NCOA7: variants seen among roughly 807,000 people sequenced by gnomAD.
NCOA7 encodes 140 kDa estrogen receptor-associated protein.
Under a neutral mutation model 104.3 loss-of-function variants are expected in NCOA7, and 45 were observed. The observed-to-expected ratio is 0.43, with a 90% CI of 0.34 to 0.55. The LOEUF (loss-of-function observed/expected upper bound fraction) is 0.55, where lower values mean the gene tolerates loss of function less well. Ranked by LOEUF, NCOA7 falls within the 20% of genes least tolerant of loss-of-function variation. The pLI is 0.02. For missense variants in NCOA7, 1,041 were observed against 1,119.7 expected, an observed-to-expected ratio of 0.93 and a Z score of 1.00; for synonymous variants, 398 against 402.3, an observed-to-expected ratio of 0.99 and a Z score of 0.13.
intron 3 of NCOA7, among the ~76,000 whole-genome samples, chr6:125,864,682 C>T (rs1782303604): frequency 7.3e-6 from 1 of 136,458 alleles, no homozygotes; most frequent in South Asian, 2.2e-4. Context: ...TATCTACGAG[C>T]CAGGATGAGG....
intron 2 of NCOA7, among the ~76,000 whole-genome samples, chr6:125,838,957 C>T (rs1158248083): frequency 2.0e-5 from 3 of 152,114 alleles, no homozygotes; most frequent in Admixed American, 2.0e-4. Context: ...GGGGTGGTGC[C>T]AACAAGCTTC....
chr6:125,890,394 A>G (rs1017309875), intron 9 of NCOA7, among the ~76,000 whole-genome samples: 2 of 152,102 alleles, frequency 1.3e-5, no homozygotes, highest in Non-Finnish European at 2.9e-5. Context: ...TTGCTATTCT[A>G]TTGGTTTTTA....
At chr6:125,907,348 A>C (rs1786107534) in intron 10 of NCOA7, among the ~76,000 whole-genome samples, 1 of 151,660 alleles carries the variant, frequency 6.6e-6, no homozygotes, top group Non-Finnish European at 1.5e-5. Context: ...CTGCAGAGAC[A>C]GAGGGTACCA....
At chr6:125,853,069 T>C (rs2475851) in intron 2 of NCOA7, among the ~76,000 whole-genome samples, 81,850 of 152,030 alleles carry the variant, frequency 0.54, 22,338 homozygotes, top group East Asian at 0.73. Flanking sequence ...GCATGGGGTG[T>C]ATTTTTATTT....
chr6:125,834,486 C>T (rs1297073271), intron 2 of NCOA7, among the ~76,000 whole-genome samples: 3 of 152,114 alleles, frequency 2.0e-5, no homozygotes, highest in African/African-American at 4.8e-5. Context: ...TAGAGGTGAG[C>T]TACTGAGGTC....
chr6:125,781,709 G>C (rs564059658), intron 1 of NCOA7, among the ~76,000 whole-genome samples: 3 of 152,312 alleles, frequency 2.0e-5, no homozygotes, highest in African/African-American at 7.2e-5. Context: ...TATAGGTTTA[G>C]TCACAATATT....
intron 2 of NCOA7, among the ~76,000 whole-genome samples, chr6:125,830,327 A>G (rs552520172): frequency 3.3e-5 from 5 of 152,234 alleles, no homozygotes; most frequent in African/African-American, 7.2e-5. Flanking sequence ...ATAAGTTTCT[A>G]AATCTCTCCA....
intron 2 of NCOA7, among the ~76,000 whole-genome samples, chr6:125,825,614 G>A (rs1434959663): frequency 6.6e-6 from 1 of 152,176 alleles, no homozygotes; most frequent in African/African-American, 2.4e-5. Context: ...GATTAATTTT[G>A]TTAGCACAGC....
intron 3 of NCOA7, among the ~76,000 whole-genome samples, chr6:125,865,221 T>C (rs1168584989): frequency 7.2e-6 from 1 of 138,916 alleles, no homozygotes; most frequent in East Asian, 2.1e-4. Context: ...CACCAAAGCC[T>C]GACTTATTTC....
At chr6:125,789,642 G>A (rs1774648711), upstream of NCOA7, among the ~76,000 whole-genome samples, 2 of 152,070 alleles carry the variant, frequency 1.3e-5, no homozygotes, top group African/African-American at 2.4e-5. Flanking sequence ...ATATAAACCT[G>A]ACGTCTAAAT....
Position 125,885,145 on chromosome 6 carries a change from G to T in NCOA7, c.700-14G>T. ...CTGCCTGAAGTGATTCTGTCCTGTT[G>T]CTTTCTCCTGCAGGGTGTGGTTGGC... On this transcript the variant is annotated splice_polypyrimidine_tract_variant and intron_variant, in intron 7 of 15. Transcript: ENST00000392477. 6.2e-7 allele frequency: 1 copy of T among 1,612,820 alleles called. No individual in the cohort carries two copies.
At chr6:125,811,616 G>T in intron 1 of NCOA7, among the ~76,000 whole-genome samples, 1 of 152,178 alleles carries the variant, frequency 6.6e-6, no homozygotes, top group East Asian at 1.9e-4. Flanking sequence ...TAAAGGTGCA[G>T]AGTTGGGGAG....
In NCOA7 at chr6:125,881,155, T is replaced by G. The variant is rs1783792317; in HGVS notation, c.525T>G (p.Gly175=). ...TAAGGCTATCATCATCCAGTCCTGG[T>G]GCTACTGTCTCTCCTTCATCATCAG... ...STLRLSSSSP[G]ATVSPSSSDA... The change falls in exon 6 of 16, where the codon GGT becomes GGG. Residue 175 remains glycine (G), a synonymous_variant. Coordinates refer to ENST00000392477, the MANE Select transcript of NCOA7 (RefSeq NM_181782.5). The G allele has an allele frequency of 1.2e-6, 2 of 1,613,932 alleles. No individual in the cohort carries two copies. Among genetic ancestry groups the G allele is most frequent in the African/African-American group, 2.7e-5 (2 of 74,920 alleles).
At chr6:125,841,801 A>C (rs1356444572) in intron 2 of NCOA7, among the ~76,000 whole-genome samples, 1 of 152,124 alleles carries the variant, frequency 6.6e-6, no homozygotes, top group African/African-American at 2.4e-5. Context: ...AATTGGAAAA[A>C]ATACCTCTAA....
intron 3 of NCOA7, among the ~76,000 whole-genome samples, chr6:125,859,714 T>G (rs1781883816): frequency 6.6e-6 from 1 of 152,212 alleles, no homozygotes; most frequent in South Asian, 2.1e-4. Context: ...ATAATTACTT[T>G]CTGTAGGTAT....
At chr6:125,886,177 A>G (rs902332225) in intron 8 of NCOA7, among the ~76,000 whole-genome samples, 2 of 151,764 alleles carry the variant, frequency 1.3e-5, no homozygotes, top group South Asian at 2.1e-4. Flanking sequence ...AAAAAAAAAA[A>G]AAAAAGGAAG....
chr6:125,882,613 A>G, intron 7 of NCOA7, 62 bp downstream of exon 7: 1 of 1,566,762 alleles, frequency 6.4e-7, no homozygotes, highest in African/African-American at 1.4e-5. Context: ...ACAAAGTTAC[A>G]AATTACTGGA....
chr6:125,793,653 T>G (rs1775053063), intron 1 of NCOA7, among the ~76,000 whole-genome samples: 1 of 152,200 alleles, frequency 6.6e-6, no homozygotes. Flanking sequence ...TAGAAACCTC[T>G]ATTCCTTTCT....
Position 125,921,012 on chromosome 6 carries a change from G to T in NCOA7, c.2314G>T (p.Val772Leu). 1 of 1,613,916 alleles carries T rather than the reference G, an allele frequency of 6.2e-7. No homozygotes were observed. The highest frequency in any genetic ancestry group is 8.5e-7 in the Non-Finnish European group (1 of 1,179,880). ...CSYYEDEDEEVLPVLRPHSAL... is the reference protein window; with the variant it reads ...CSYYEDEDEELLPVLRPHSAL... ...CTACTATGAAGACGAGGACGAAGAG[G>T]TGCTGCCTGTCCTACGGCCCCACAG... Residue 772 changes from valine to leucine, a missense_variant, in exon 12 of 16, where the codon GTG becomes TTG. By Grantham distance (32) the Val-to-Leu change is conservative. Coordinates refer to ENST00000392477, the MANE Select transcript of NCOA7 (RefSeq NM_181782.5).
Sources: allele counts gnomAD v4.1 joint callset (sites outside exome capture counted in the v4.1 genomes callset), GRCh38; gene constraint gnomAD v4.1.1; transcripts MANE v1.5; gene names NCBI Gene and HGNC (gene_info 2026-07-23, HGNC 2026-07-21).